Variants in CAPN14 observed in about 807,000 individuals in gnomAD.
CAPN14 encodes calpain 14.
Under a neutral mutation model 101.3 loss-of-function variants are expected in CAPN14, and 94 were observed. The ratio of observed to expected loss-of-function variants is 0.93; its 90% CI spans 0.79 to 1.10. The LOEUF (loss-of-function observed/expected upper bound fraction) is 1.10, where lower values mean the gene tolerates loss of function less well. Ranked by LOEUF, CAPN14 falls within the 50% of genes least tolerant of loss-of-function variation. CAPN14 has a pLI of 0.00. For missense variants in CAPN14, 837 were observed against 828.4 expected, an observed-to-expected ratio of 1.01 and a Z score of -0.13; for synonymous variants, 338 against 317.9, an observed-to-expected ratio of 1.06 and a Z score of -0.67.
At chr2:31,206,227 G>A (rs1027121984) in intron 1 of CAPN14, among the ~76,000 whole-genome samples, 2 of 151,836 alleles carry the variant, frequency 1.3e-5, no homozygotes, top group Admixed American at 1.3e-4. Flanking sequence ...GGCCTCCCAA[G>A]GATGTCTCTC....
chr2:31,177,838 A>C lies in CAPN14; in HGVS notation c.1780-17T>G. 9.0e-6 allele frequency: 14 copies of C among 1,548,038 alleles called. No homozygotes were observed. The highest frequency in any genetic ancestry group is 1.2e-5 in the Non-Finnish European group (14 of 1,143,500). ...GAAAACCTTCTGCAAAGAACCAAAT[A>C]AGAGGTTCAGGAAGCCAGGCATTTC... On this transcript the variant is annotated splice_polypyrimidine_tract_variant and intron_variant, in intron 18 of 21. Coordinates refer to ENST00000403897, the MANE Select transcript of CAPN14 (RefSeq NM_001145122.2).
Position 31,192,105 on chromosome 2 carries a change from C to G in CAPN14, c.1115-7G>C. 1 of 1,538,506 alleles carries G rather than the reference C, an allele frequency of 6.5e-7. No homozygotes were observed. Among genetic ancestry groups the G allele is most frequent in the East Asian group, 2.5e-5 (1 of 40,700 alleles). On this transcript the variant is annotated splice_region_variant and splice_polypyrimidine_tract_variant and intron_variant, in intron 10 of 21. Transcript: ENST00000403897. ...GGGTTCTTCCAAAATGTGTCTGGAG[C>G]AGAACACAGCAAGGTGAGAATGGGC...
chr2:31,178,439 T>A (rs1397509926), intron 18 of CAPN14, 72 bp downstream of exon 18: 6 of 1,187,940 alleles, frequency 5.1e-6, no homozygotes, highest in South Asian at 1.3e-5. Context: ...GACAGAAGTA[T>A]CTTCTACAGC....
chr2:31,231,808 T>C (rs1683201351), intron 1 of CAPN14, among the ~76,000 whole-genome samples: 1 of 152,230 alleles, frequency 6.6e-6, no homozygotes, highest in Admixed American at 6.5e-5. Context: ...CGCCACTGTA[T>C]TAACACCAGG....
chr2:31,176,643 C>T lies in CAPN14; in HGVS notation c.1973-1G>A, dbSNP rs1558608222. ...TCTTGGGTTAAGTTTTGGAAGACAT[C>T]TGTGAAAATGCAGCAGAAAGGAATA... On this transcript the variant is annotated splice_acceptor_variant, in intron 20 of 21. Coordinates refer to ENST00000403897, the MANE Select transcript of CAPN14 (RefSeq NM_001145122.2). LOFTEE classifies it high-confidence loss of function. 1.3e-6 allele frequency: 2 copies of T among 1,551,080 alleles called. No homozygotes were observed. Among genetic ancestry groups the T allele is most frequent in the East Asian group, 2.4e-5 (1 of 40,930 alleles).
intron 20 of CAPN14, 66 bp downstream of exon 20, chr2:31,176,960 G>T: frequency 8.5e-7 from 1 of 1,174,972 alleles, no homozygotes; most frequent in Non-Finnish European, 1.2e-6. Context: ...CTTAAACTAG[G>T]GACAGGTGGG....
intron 1 of CAPN14, among the ~76,000 whole-genome samples, chr2:31,215,017 C>G (rs918373964): frequency 6.6e-6 from 1 of 152,144 alleles, no homozygotes; most frequent in Non-Finnish European, 1.5e-5. Context: ...CCTCTTTGTA[C>G]AGCCTCCTCC....
chr2:31,188,869 TC>T (rs1470800876), intron 13 of CAPN14, among the ~76,000 whole-genome samples: 1 of 152,162 alleles, frequency 6.6e-6, no homozygotes, highest in Non-Finnish European at 1.5e-5. Flanking sequence ...CTGAAGCCAC[TC>T]CTGCTTCCCC....
Position 31,183,027 on chromosome 2 carries a change from C to T in CAPN14, c.1646-2027G>A, listed in dbSNP as rs968356358. ...AACAGAACAGAGCCCTCAGAAATAA[C>T]GCCGCTTGTCTATAACTATCTGATC... On this transcript the variant is annotated intron_variant, in intron 16 of 21. Coordinates refer to ENST00000403897, the MANE Select transcript of CAPN14 (RefSeq NM_001145122.2). Among the ~76,000 whole-genome samples, 10 of 152,236 alleles carry T rather than the reference C, an allele frequency of 6.6e-5. No homozygotes were observed. The South Asian group carries it at 8.3e-4, about 13-fold the overall frequency.
chr2:31,225,426 C>A (rs1682992617), intron 2 of CAPN14, among the ~76,000 whole-genome samples: 1 of 151,856 alleles, frequency 6.6e-6, no homozygotes, highest in Non-Finnish European at 1.5e-5. Context: ...ATTGATGTGC[C>A]TTTTTTGGAA....
rs537171476 is a variant in CAPN14, at chr2:31,198,425, T to C, written c.789+1045A>G. 2.1e-4 allele frequency among the ~76,000 whole-genome samples: 32 copies of C among 152,302 alleles called. No homozygotes were observed. The South Asian group carries it at 3.9e-3, about 19-fold the overall frequency. On this transcript the variant is annotated intron_variant, in intron 7 of 21. Coordinates refer to ENST00000403897, the MANE Select transcript of CAPN14 (RefSeq NM_001145122.2). ...GTGTTACAGGCGCACATCCTCAACA[T>C]TGGCAAAATAAACTTTCTAAATTAA...
At chr2:31,191,448 G>T in intron 11 of CAPN14, 41 bp from the exon 12 acceptor site, 1 of 1,444,306 alleles carries the variant, frequency 6.9e-7, no homozygotes. Context: ...AAAAAAAAGA[G>T]GAGAGAGAGA....
rs767788060 is a variant in CAPN14, at chr2:31,230,980, A to G, written c.-177+2811T>C. Among the ~76,000 whole-genome samples, 34 of 152,018 alleles carry G rather than the reference A, an allele frequency of 2.2e-4. No homozygotes were observed. The highest frequency in any genetic ancestry group is 4.7e-4 in the Non-Finnish European group (32 of 67,998). On this transcript the variant is annotated intron_variant and NMD_transcript_variant, in intron 1 of 21. Coordinates refer to the CAPN14 transcript ENST00000398824. The surrounding 1 kb of genome is among the most constrained non-coding windows in gnomAD (Gnocchi z 4.3). ...TTTCCTGGCTATTTACTGTGTTGTT[A>G]TTCTGTTGGTCTCTGTGCCAAAACC...
chr2:31,194,638 A>G (rs978374374), intron 8 of CAPN14, among the ~76,000 whole-genome samples, 155 bp from the exon 9 acceptor site: 3 of 152,230 alleles, frequency 2.0e-5, no homozygotes, highest in African/African-American at 7.2e-5. Flanking sequence ...ACATGAATTG[A>G]TAGCTTACTA....
In CAPN14 at chr2:31,189,259, C is replaced by A. The variant is rs1169065256; in HGVS notation, c.1493+14G>T. On this transcript the variant is annotated intron_variant, in intron 13 of 21. Coordinates refer to ENST00000403897, the MANE Select transcript of CAPN14 (RefSeq NM_001145122.2). ...AGTGGTCCCCACCCTCTAGGAGAGA[C>A]CTTGTGTCCTTACTAAAAGATGTGC... 6 of 1,549,842 alleles carry A rather than the reference C, an allele frequency of 3.9e-6. No homozygotes were observed. Among genetic ancestry groups the A allele is most frequent in the Non-Finnish European group, 5.2e-6 (6 of 1,146,540 alleles).
chr2:31,194,351 G>A, intron 9 of CAPN14, 58 bp downstream of exon 9: 1 of 1,324,732 alleles, frequency 7.5e-7, no homozygotes, highest in Non-Finnish European at 1.1e-6. Flanking sequence ...ATAAATGTCT[G>A]CTGGATGGGT....
chr2:31,203,706 T>C (rs1168347647), intron 2 of CAPN14, among the ~76,000 whole-genome samples: 1 of 152,154 alleles, frequency 6.6e-6, no homozygotes, highest in Non-Finnish European at 1.5e-5. Flanking sequence ...AAGTAGGATC[T>C]TGGCTGCCAT....
In CAPN14 at chr2:31,192,046, C is replaced by G; in HGVS notation, c.1167G>C (p.Glu389Asp). 6.4e-7 allele frequency: 1 copy of G among 1,551,476 alleles called. No homozygotes were observed. The highest frequency in any genetic ancestry group is 8.7e-7 in the Non-Finnish European group (1 of 1,146,862). Reference protein sequence around the residue: ...QFLLSVWRPEEGRRSLRPCSV... With the variant: ...QFLLSVWRPEDGRRSLRPCSV... ...TGCAGGGCCTCAGGGATCTCCTGCC[C>G]TCCTCGGGCCTCCAGACAGACAGCA... Residue 389 changes from glutamate (E) to aspartate (D), a missense_variant, in exon 11 of 22, where the codon GAG (glutamate) becomes GAC (aspartate). Coordinates refer to ENST00000403897, the MANE Select transcript of CAPN14 (RefSeq NM_001145122.2).
chr2:31,202,828 T>C (rs1261153527), intron 3 of CAPN14, among the ~76,000 whole-genome samples: 2 of 152,154 alleles, frequency 1.3e-5, no homozygotes, highest in Non-Finnish European at 2.9e-5. Flanking sequence ...AAACTGGTAA[T>C]GAGGACTATG....
Sources: gnomAD v4.1 joint callset for allele counts (sites outside exome capture counted in the v4.1 genomes callset) on GRCh38, gnomAD v4.1.1 for gene constraint, Gnocchi (gnomAD v3.1) non-coding constraint, MANE v1.5 for transcripts, NCBI Gene and HGNC (gene_info 2026-07-23, HGNC 2026-07-21) for gene names.